Variants in FABP12 observed in about 807,000 individuals in gnomAD.
The protein encoded by FABP12 is fatty acid binding protein 12, also known as fatty acid-binding protein 12.
FABP12 carries 19 observed loss-of-function variants against 13.7 expected under a neutral mutation model. That is an observed-to-expected ratio of 1.39 (90% CI 0.97 to 2.04). The LOEUF (loss-of-function observed/expected upper bound fraction) is 2.04. Among genes scored for constraint, FABP12 ranks in the 30% most tolerant of loss-of-function variants. FABP12 has a pLI of 0.00. For synonymous variants in FABP12, 61 were observed against 57.0 expected (o/e 1.07, Z -0.32); for missense variants, 182 against 164.2 (o/e 1.11, Z -0.59).
At chr8:81,547,329 C>T (rs1809451587) in intron 1 of FABP12, among the ~76,000 whole-genome samples, 1 of 152,198 alleles carries the variant, frequency 6.6e-6, no homozygotes, top group South Asian at 2.1e-4. Context: ...CTTCATTTCC[C>T]TATGTAGTCC....
At chr8:81,573,299 T>C (rs1004682555) in intron 1 of FABP12, among the ~76,000 whole-genome samples, 4 of 152,194 alleles carry the variant, frequency 2.6e-5, no homozygotes, top group Non-Finnish European at 4.4e-5. Flanking sequence ...TTCTGTTCCA[T>C]TGGTCTATGT....
intron 1 of FABP12, among the ~76,000 whole-genome samples, chr8:81,557,703 G>A (rs144150401): frequency 0.014 from 2,200 of 152,204 alleles, 48 homozygotes; most frequent in Non-Finnish European, 0.017. Context: ...ACATGTTAAC[G>A]TTTTTTAAAA....
At chr8:81,587,041 G>C (rs1233717056) in intron 1 of FABP12, among the ~76,000 whole-genome samples, 1 of 152,102 alleles carries the variant, frequency 6.6e-6, no homozygotes, top group African/African-American at 2.4e-5. Context: ...ACCATTTGTT[G>C]AACAGGGAGC....
chr8:81,526,108 T>C (rs1808892733), intron 4 of FABP12: 1 of 152,176 alleles, frequency 6.6e-6, no homozygotes, highest in Non-Finnish European at 1.5e-5. Context: ...GTCTTCCCCT[T>C]GTGAATTTAT....
chr8:81,562,707 G>A (rs1809745324), intron 1 of FABP12, among the ~76,000 whole-genome samples: 1 of 152,160 alleles, frequency 6.6e-6, no homozygotes, highest in Non-Finnish European at 1.5e-5. Context: ...AAGGGAAAGA[G>A]TGAGAAGAAC....
chr8:81,541,003 T>G (rs1809327243), intron 1 of FABP12, among the ~76,000 whole-genome samples: 1 of 151,800 alleles, frequency 6.6e-6, no homozygotes, highest in African/African-American at 2.4e-5. Flanking sequence ...TCATCTCTAC[T>G]AAAAATACAA....
chr8:81,525,408 C>T (rs1180665670), intron 4 of FABP12, among the ~76,000 whole-genome samples: 1 of 151,754 alleles, frequency 6.6e-6, no homozygotes, highest in Non-Finnish European at 1.5e-5. Context: ...CCCAGCTACT[C>T]AGAAGGCTGA....
chr8:81,573,638 T>C (rs1809973744), intron 1 of FABP12, among the ~76,000 whole-genome samples: 1 of 152,158 alleles, frequency 6.6e-6, no homozygotes, highest in Admixed American at 6.5e-5. Context: ...AGCAGTGTTT[T>C]GTTTTCCTTG....
At chr8:81,578,356 GCCAAAGT>G (rs1563558279) in intron 1 of FABP12, among the ~76,000 whole-genome samples, 1 of 152,012 alleles carries the variant, frequency 6.6e-6, no homozygotes, top group Non-Finnish European at 1.5e-5. Context: ...ATAAAAGTAG[GCCAAAGT>G]CCTTGTTTCA....
At chr8:81,529,254 G>C in intron 3 of FABP12, 184 bp downstream of exon 3, 1 of 643,176 alleles carries the variant, frequency 1.6e-6, no homozygotes, top group South Asian at 1.9e-5. Flanking sequence ...CAGTGAGCAG[G>C]AGGCATTTTT....
intron 1 of FABP12, among the ~76,000 whole-genome samples, chr8:81,589,756 CT>C (rs1312555439): frequency 6.6e-6 from 1 of 152,220 alleles, no homozygotes; most frequent in African/African-American, 2.4e-5. Context: ...AACAGGCTGC[CT>C]TTTCCCCTCT....
chr8:81,536,932 C>T (rs896638156), upstream of FABP12, among the ~76,000 whole-genome samples: 4 of 152,218 alleles, frequency 2.6e-5, no homozygotes, highest in African/African-American at 9.6e-5. Context: ...ATATTTACTA[C>T]TGGCTCTTCA....
chr8:81,588,287 A>T (rs1045751984), intron 1 of FABP12, among the ~76,000 whole-genome samples: 3 of 152,228 alleles, frequency 2.0e-5, no homozygotes, highest in Non-Finnish European at 2.9e-5. Flanking sequence ...ATATAGAATC[A>T]TATTTTCTGT....
intron 2 of FABP12, among the ~76,000 whole-genome samples, chr8:81,530,713 A>C (rs1284464759): frequency 6.6e-6 from 1 of 152,170 alleles, no homozygotes; most frequent in African/African-American, 2.4e-5. Flanking sequence ...AAGGATCTTG[A>C]GATGGGGAGA....
chr8:81,554,751 A>G (rs1459811823), intron 1 of FABP12, among the ~76,000 whole-genome samples: 1 of 152,066 alleles, frequency 6.6e-6, no homozygotes, highest in Non-Finnish European at 1.5e-5. Flanking sequence ...TGAAAGAAGA[A>G]TTGTCTCGGG....
chr8:81,537,609 G>A (rs1197694489), upstream of FABP12, among the ~76,000 whole-genome samples: 1 of 152,180 alleles, frequency 6.6e-6, no homozygotes, highest in Admixed American at 6.5e-5. Context: ...ATCTGCATGA[G>A]TCTCTTCTTA....
At chr8:81,530,979 T>G (rs1411273349) in intron 2 of FABP12, among the ~76,000 whole-genome samples, 2 of 152,216 alleles carry the variant, frequency 1.3e-5, no homozygotes. Context: ...AAAAAATAGT[T>G]GTATTTTTTT....
At chr8:81,557,301 T>C (rs949554468) in intron 1 of FABP12, among the ~76,000 whole-genome samples, 1 of 152,212 alleles carries the variant, frequency 6.6e-6, no homozygotes, top group African/African-American at 2.4e-5. Context: ...AATTATGCTT[T>C]CCTGATATGG....
chr8:81,554,243 T>C (rs1180572772), intron 1 of FABP12, among the ~76,000 whole-genome samples: 1 of 152,192 alleles, frequency 6.6e-6, no homozygotes, highest in Non-Finnish European at 1.5e-5. Context: ...ATACCGTCTG[T>C]ATTTTCCGAC....
Sources: allele counts gnomAD v4.1 joint callset (sites outside exome capture counted in the v4.1 genomes callset), GRCh38; gene constraint gnomAD v4.1.1; transcripts MANE v1.5; gene names NCBI Gene and HGNC (gene_info 2026-07-23, HGNC 2026-07-21).